Variants in ATG7 observed in about 807,000 individuals in gnomAD.
ATG7 encodes the protein autophagy related 7.
In ATG7, 70 loss-of-function variants were observed where a neutral mutation model predicts 82.4. The observed-to-expected ratio is 0.85, with a 90% CI of 0.70 to 1.04. ATG7 has a LOEUF of 1.04. ATG7 is among the 50% of genes least tolerant of loss of function. The pLI, the probability that ATG7 is intolerant of heterozygous loss-of-function variation, is 0.00. For synonymous variants in ATG7, 287 were observed against 313.0 expected (o/e 0.92, Z 0.88); for missense variants, 792 against 864.3 (o/e 0.92, Z 1.05).
At position 11,308,804 on chromosome 3, in the gene ATG7, G is replaced by A. The variant is rs111371108; in HGVS notation, c.334-180G>A. 120 of 629,976 alleles carry A rather than the reference G, an allele frequency of 1.9e-4. 2 individuals carry two copies. The highest frequency in any genetic ancestry group is 1.6e-3 in the African/African-American group (86 of 54,592). 39.0% of individuals were successfully genotyped at this position (629,976 alleles called of 1,614,324 possible). On this transcript the variant is annotated intron_variant, in intron 6 of 20. Coordinates refer to ENST00000693202, the MANE Select transcript of ATG7 (RefSeq NM_001349232.2). ...CTTAGATGTTGAAGGGAGTGTGGCT[G>A]GGAGAGAGGCAGTGTGAAGTCGGCA...
intron 20 of ATG7, among the ~76,000 whole-genome samples, chr3:11,484,633 C>A (rs1393389583): frequency 2.0e-5 from 3 of 152,056 alleles, no homozygotes; most frequent in East Asian, 1.9e-4. Flanking sequence ...ATGTGCCATG[C>A]TGGTGTGCTG....
chr3:11,559,957 C>A (rs573387862), downstream of ATG7, among the ~76,000 whole-genome samples: 1 of 152,238 alleles, frequency 6.6e-6, no homozygotes, highest in Non-Finnish European at 1.5e-5. Flanking sequence ...ACCTACAAAT[C>A]GGGACAGAGA....
intron 5 of ATG7, among the ~76,000 whole-genome samples, chr3:11,300,712 A>G (rs1458234263): frequency 2.0e-5 from 3 of 152,222 alleles, no homozygotes; most frequent in African/African-American, 7.2e-5. Flanking sequence ...AGCGATACAC[A>G]TTCAGTGGAA....
chr3:11,286,844 A>C (rs184302499), intron 3 of ATG7, among the ~76,000 whole-genome samples: 1 of 151,264 alleles, frequency 6.6e-6, no homozygotes, highest in African/African-American at 2.4e-5. Context: ...AGCTCAAGCT[A>C]TCCTCCCGCC....
At chr3:11,396,739 G>A (rs549700955) in intron 19 of ATG7, among the ~76,000 whole-genome samples, 26 of 146,150 alleles carry the variant, frequency 1.8e-4, no homozygotes, top group South Asian at 4.3e-4. Context: ...CCGAGATGGC[G>A]CCACCGCACT....
chr3:11,533,611 T>C (rs927575797), intron 20 of ATG7, among the ~76,000 whole-genome samples: 1 of 148,292 alleles, frequency 6.7e-6, no homozygotes, highest in African/African-American at 2.5e-5. Context: ...TTCTCTGAAA[T>C]GACGAAAAAC....
At chr3:11,420,346 C>CT (rs1447584351) in intron 19 of ATG7, among the ~76,000 whole-genome samples, 1 of 151,962 alleles carries the variant, frequency 6.6e-6, no homozygotes, top group Non-Finnish European at 1.5e-5. Flanking sequence ...TGGAGGAGGC[C>CT]TTTTTTTGTT....
At chr3:11,347,777 C>A in intron 13 of ATG7, 100 bp from the exon 14 acceptor site, 1 of 1,310,612 alleles carries the variant, frequency 7.6e-7, no homozygotes. Context: ...TTTTGAGGTT[C>A]CCAAGCTTCT....
At chr3:11,418,381 TG>T (rs2081605492) in intron 19 of ATG7, among the ~76,000 whole-genome samples, 1 of 152,050 alleles carries the variant, frequency 6.6e-6, no homozygotes, top group South Asian at 2.1e-4. Context: ...CCCAAAGTGC[TG>T]GGGTTACAGG....
At chr3:11,574,477 C>G in the ATG7 span, among the ~76,000 whole-genome samples, 1 of 152,212 alleles carries the variant, frequency 6.6e-6, no homozygotes, top group East Asian at 1.9e-4. Flanking sequence ...CTGAGAGTTC[C>G]AGAGGCTGGG....
chr3:11,488,580 G>A lies in ATG7; in HGVS notation c.2079+61654G>A, dbSNP rs577120716. The A allele has an allele frequency of 4.9e-5, 35 of 708,312 alleles. No homozygotes were observed. In the East Asian group the frequency reaches 5.5e-4, roughly 11 times the overall value. 43.9% of individuals were successfully genotyped at this position (708,312 alleles called of 1,614,324 possible). The stretch of plus-strand genomic sequence containing the variant: ...ACCACCACCCGCGGCCACCATGGCC[G>A]GACGGGCTCCCTAAGCCACCGACCC... On this transcript the variant is annotated intron_variant, in intron 20 of 20. Coordinates refer to ENST00000693202, the MANE Select transcript of ATG7 (RefSeq NM_001349232.2).
At chr3:11,491,105 A>G (rs2090306787) in intron 20 of ATG7, among the ~76,000 whole-genome samples, 1 of 152,224 alleles carries the variant, frequency 6.6e-6, no homozygotes, top group South Asian at 2.1e-4. Flanking sequence ...ACTTTCAGGT[A>G]CAGCAATCAA....
At position 11,382,358 on chromosome 3, in the gene ATG7, A is replaced by G. The variant is rs189247430; in HGVS notation, c.1956+2306A>G. Among the ~76,000 whole-genome samples the G allele has an allele frequency of 6.6e-5, 10 of 152,388 alleles. No homozygotes were observed. The East Asian group carries it at 1.9e-3, about 29-fold the overall frequency. On this transcript the variant is annotated intron_variant, in intron 19 of 20. Transcript: ENST00000693202. Reference sequence around the variant, plus strand: ...TGTAGCCTGAGGTGGGGAAGAATACAGTGCTTTGCTTCTAAAGCAGGAAAG... The same window carrying G: ...TGTAGCCTGAGGTGGGGAAGAATACGGTGCTTTGCTTCTAAAGCAGGAAAG...
intron 20 of ATG7, among the ~76,000 whole-genome samples, chr3:11,509,931 G>A (rs185783826): frequency 2.5e-4 from 38 of 152,268 alleles, no homozygotes; most frequent in African/African-American, 7.0e-4. Context: ...TCTTGGATGG[G>A]TGATATAAAT....
chr3:11,441,408 A>G (rs1224514442), intron 20 of ATG7, among the ~76,000 whole-genome samples: 5 of 151,634 alleles, frequency 3.3e-5, no homozygotes, highest in African/African-American at 1.2e-4. Context: ...CACCCAGTTA[A>G]TTTTTTTGTA....
At chr3:11,303,846 G>A (rs1322588621) in intron 5 of ATG7, among the ~76,000 whole-genome samples, 5 of 150,046 alleles carry the variant, frequency 3.3e-5, no homozygotes, top group East Asian at 4.0e-4. Context: ...AGGCCGAGGC[G>A]GGTGGGTCAC....
intron 19 of ATG7, among the ~76,000 whole-genome samples, chr3:11,414,329 G>A (rs1182812382): frequency 6.6e-6 from 1 of 152,202 alleles, no homozygotes; most frequent in Non-Finnish European, 1.5e-5. Flanking sequence ...GCCTCCCACA[G>A]TACTGGGATT....
intron 3 of ATG7, 90 bp from the exon 4 acceptor site, chr3:11,298,596 G>C: frequency 7.6e-7 from 1 of 1,317,310 alleles, no homozygotes; most frequent in South Asian, 1.4e-5. Context: ...CTTTTTGTTT[G>C]TTTGAATTAA....
chr3:11,368,229 T>TAA (rs760208581), intron 18 of ATG7, among the ~76,000 whole-genome samples: 2,106 of 109,282 alleles, frequency 0.019, 68 homozygotes, highest in African/African-American at 0.064. Context: ...TTCTTTTACT[T>TAA]AAAAAAAAAA....
Sources: allele counts gnomAD v4.1 joint callset (sites outside exome capture counted in the v4.1 genomes callset), GRCh38; gene constraint gnomAD v4.1.1; transcripts MANE v1.5; gene names NCBI Gene and HGNC (gene_info 2026-07-23, HGNC 2026-07-21).